CA4: variants seen among roughly 807,000 people sequenced by gnomAD.
CA4 encodes CA-IV.
Under a neutral mutation model 34.5 loss-of-function variants are expected in CA4, and 24 were observed. The observed-to-expected ratio is 0.70, with a 90% confidence interval of 0.50 to 0.98. The LOEUF is 0.98. Ranked by LOEUF, CA4 falls within the 50% of genes least tolerant of loss-of-function variation. The pLI is 0.00. For synonymous variants in CA4, 178 were observed against 170.6 expected, an observed-to-expected ratio of 1.04 and a Z score of -0.34; for missense variants, 394 against 396.7, an observed-to-expected ratio of 0.99 and a Z score of 0.06.
At chr17:60,160,812 G>A (rs1002856572), downstream of CA4, among the ~76,000 whole-genome samples, 1 of 151,582 alleles carries the variant, frequency 6.6e-6, no homozygotes. Context: ...GGGAAGGGGC[G>A]GCTGGGAGGA....
At chr17:60,156,855 C>G (rs374462152) in intron 3 of CA4, 140 bp downstream of exon 3, 41 of 791,706 alleles carry the variant, frequency 5.2e-5, no homozygotes, top group South Asian at 3.1e-4. Flanking sequence ...TGGGGGAGGA[C>G]AGCTTCCAGG....
the CA4 span, among the ~76,000 whole-genome samples, chr17:60,177,966 G>A: frequency 6.6e-6 from 1 of 151,612 alleles, no homozygotes. Context: ...AAAACTACAC[G>A]AAAAAAATGC....
intron 1 of CA4, among the ~76,000 whole-genome samples, chr17:60,152,932 T>A (rs1049055144): frequency 2.0e-5 from 3 of 152,214 alleles, no homozygotes; most frequent in African/African-American, 7.2e-5. Flanking sequence ...AGCCTCTAGA[T>A]GTTTGCAGTT....
chr17:60,168,980 CT>C (rs1327100310), intron 5 of CA4, among the ~76,000 whole-genome samples: 1 of 152,164 alleles, frequency 6.6e-6, no homozygotes, highest in Non-Finnish European at 1.5e-5. Context: ...GGCACGGTGA[CT>C]CGCGCCTGTA....
At chr17:60,165,732 C>T (rs977476518) in intron 5 of CA4, among the ~76,000 whole-genome samples, 2 of 152,100 alleles carry the variant, frequency 1.3e-5, no homozygotes, top group Non-Finnish European at 2.9e-5. Context: ...AGTGCCTGCC[C>T]CTGTCCCCAC....
chr17:60,170,190 T>G (rs925551596), intron 5 of CA4, among the ~76,000 whole-genome samples: 1 of 152,184 alleles, frequency 6.6e-6, no homozygotes, highest in Non-Finnish European at 1.5e-5. Flanking sequence ...ACTCAATTGT[T>G]CTCTCCTTTC....
chr17:60,155,566 AAC>A (rs765575544), intron 2 of CA4, among the ~76,000 whole-genome samples, 199 bp downstream of exon 2: 2 of 139,514 alleles, frequency 1.4e-5, no homozygotes, highest in Non-Finnish European at 3.0e-5. Flanking sequence ...CAGATATACA[AAC>A]ACACACACTC....
At chr17:60,152,779 T>A (rs1192777207) in intron 1 of CA4, among the ~76,000 whole-genome samples, 1 of 152,190 alleles carries the variant, frequency 6.6e-6, no homozygotes, top group African/African-American at 2.4e-5. Context: ...TCTGATTTAT[T>A]ATCTCCTTAG....
Position 60,166,299 on chromosome 17 carries a change from G to A in CA4, c.*179-4252G>A, listed in dbSNP as rs1051020459. On this transcript the variant is annotated intron_variant and NMD_transcript_variant, in intron 5 of 5. Transcript: ENST00000586876. ...AACTTTCTGTATTTTTAGTAGACACGGGGTTTCGCCATTTAGCCAGGCTGG... is the reference window on the plus strand; with the variant it reads ...AACTTTCTGTATTTTTAGTAGACACAGGGTTTCGCCATTTAGCCAGGCTGG... Among the ~76,000 whole-genome samples, 10 of 152,254 alleles carry A rather than the reference G, an allele frequency of 6.6e-5. No homozygotes were observed. In the East Asian group the frequency reaches 1.4e-3, roughly 21 times the overall value.
Position 60,155,212 on chromosome 17 carries a change from A to C in CA4, c.59-102A>C. On this transcript the variant is annotated intron_variant, in intron 1 of 7. Transcript: ENST00000300900. ...CAGGAACACTCCATCCCAGCCCAAG[A>C]GGGGCTCCAACCCCAGGGGTAGGCC... 4.7e-6 allele frequency: 5 copies of C among 1,059,666 alleles called. No individual in the cohort carries two copies. In the South Asian group the frequency reaches 6.7e-5, roughly 14 times the overall value. 65.6% of individuals were successfully genotyped at this position (1,059,666 alleles called of 1,614,324 possible). A position where few individuals can be genotyped will look rare whatever the true frequency, so the allele number is the denominator to read the frequency against.
chr17:60,163,274 G>GC (rs2083814201), downstream of CA4, among the ~76,000 whole-genome samples: 1 of 152,134 alleles, frequency 6.6e-6, no homozygotes, highest in Non-Finnish European at 1.5e-5. Context: ...TACCGACAGG[G>GC]CCTTGTGAAC....
At chr17:60,176,098 G>A in the CA4 span, among the ~76,000 whole-genome samples, 1 of 152,154 alleles carries the variant, frequency 6.6e-6, no homozygotes, top group Non-Finnish European at 1.5e-5. Context: ...TTACAGGCGT[G>A]AGCCACTGCG....
intron 7 of CA4, chr17:60,158,883 G>A (rs1456826587): frequency 1.2e-5 from 5 of 431,640 alleles, no homozygotes; most frequent in Non-Finnish European, 2.1e-5. Flanking sequence ...TGGGGGTGGA[G>A]CCCAGGCATC....
At chr17:60,164,544 C>CA (rs2083835560), downstream of CA4, among the ~76,000 whole-genome samples, 1 of 151,884 alleles carries the variant, frequency 6.6e-6, no homozygotes, top group Non-Finnish European at 1.5e-5. Context: ...CGCATGCCAC[C>CA]ATGCAGCTAA....
At chr17:60,166,597 G>C (rs767392818) in intron 5 of CA4, among the ~76,000 whole-genome samples, 2 of 152,210 alleles carry the variant, frequency 1.3e-5, no homozygotes, top group African/African-American at 2.4e-5. Flanking sequence ...TCAGAGATGA[G>C]TATGTCTATT....
intron 3 of CA4, 118 bp from the exon 4 acceptor site, chr17:60,157,309 A>C: frequency 6.9e-5 from 42 of 604,806 alleles, no homozygotes; most frequent in Middle Eastern, 4.5e-4. Context: ...GGCCAGAACC[A>C]GAGCTCATGA....
chr17:60,158,496 GA>G, intron 7 of CA4, 50 bp downstream of exon 7: 1 of 1,588,442 alleles, frequency 6.3e-7, no homozygotes, highest in Non-Finnish European at 8.6e-7. Flanking sequence ...TGGCTCCCCA[GA>G]AATTATCCCT....
rs1597995784 is a variant in CA4, at chr17:60,158,277, T to A, written c.581-6T>A. On this transcript the variant is annotated splice_region_variant and splice_polypyrimidine_tract_variant and intron_variant, in intron 6 of 7. Coordinates refer to ENST00000300900, the MANE Select transcript of CA4 (RefSeq NM_000717.5). ...TCACTGACAGTGTCCTCTGCCCCTA[T>A]CTCAGAGATGAGCACTACGATGGCA... The A allele has an allele frequency of 1.9e-6, 3 of 1,613,914 alleles. No individual in the cohort carries two copies. Among genetic ancestry groups the A allele is most frequent in the Admixed American group, 3.3e-5 (2 of 59,994 alleles).
intron 1 of CA4, among the ~76,000 whole-genome samples, chr17:60,150,668 A>AAAAAAAAG (rs1421328586): frequency 2.2e-5 from 3 of 135,894 alleles, no homozygotes; most frequent in Admixed American, 7.1e-5. Context: ...AAAAAAAAAA[A>AAAAAAAAG]AAAAAAAAAA....
Sources: gnomAD v4.1 joint callset for allele counts (sites outside exome capture counted in the v4.1 genomes callset) on GRCh38, gnomAD v4.1.1 for gene constraint, MANE v1.5 for transcripts, NCBI Gene and HGNC (gene_info 2026-07-23, HGNC 2026-07-21) for gene names.